Variants in PID1 observed in about 807,000 individuals in gnomAD.
PID1 encodes the protein PTB-containing, cubilin and LRP1-interacting protein.
In PID1, 10 loss-of-function variants were observed where a neutral mutation model predicts 19.1. That is an observed-to-expected ratio of 0.52 (90% confidence interval 0.32 to 0.89). PID1 has a LOEUF of 0.89. Ranked by LOEUF, PID1 falls within the 40% of genes least tolerant of loss-of-function variation. The pLI, the probability that PID1 is intolerant of heterozygous loss-of-function variation, is 0.03. For missense variants in PID1, 248 were observed against 285.3 expected (o/e 0.87, Z 0.94); for synonymous variants, 130 against 116.0 (o/e 1.12, Z -0.78).
chr2:229,055,065 G>A (rs1299217420), intron 2 of PID1, among the ~76,000 whole-genome samples: 4 of 152,124 alleles, frequency 2.6e-5, no homozygotes, highest in Non-Finnish European at 5.9e-5. Flanking sequence ...TGAGGGACAA[G>A]ACATGGTGAC....
chr2:229,243,054 G>T (rs1689915780), intron 1 of PID1, among the ~76,000 whole-genome samples: 1 of 152,094 alleles, frequency 6.6e-6, no homozygotes, highest in Non-Finnish European at 1.5e-5. Context: ...ATGTACAAAA[G>T]AAAGAGGTTT....
chr2:229,230,556 C>A (rs920166573), intron 1 of PID1, among the ~76,000 whole-genome samples: 1 of 152,184 alleles, frequency 6.6e-6, no homozygotes, highest in Admixed American at 6.5e-5. Flanking sequence ...AAGTCATCTG[C>A]TTTGTCAGCT....
chr2:229,101,615 C>T (rs905288386), intron 2 of PID1, among the ~76,000 whole-genome samples: 4 of 152,218 alleles, frequency 2.6e-5, no homozygotes, highest in African/African-American at 7.2e-5. Flanking sequence ...GTCCTATTAT[C>T]ACACCCATTT....
chr2:229,094,504 A>G (rs1176915187), intron 2 of PID1, among the ~76,000 whole-genome samples: 1 of 152,186 alleles, frequency 6.6e-6, no homozygotes, highest in Non-Finnish European at 1.5e-5. Context: ...CAAAAAGAAC[A>G]AATCTAGGGG....
At chr2:229,090,072 C>T (rs750543271) in intron 2 of PID1, among the ~76,000 whole-genome samples, 1 of 152,124 alleles carries the variant, frequency 6.6e-6, no homozygotes, top group Non-Finnish European at 1.5e-5. Context: ...CTGTAATTAC[C>T]GTGCAAAGCT....
chr2:229,153,923 T>C (rs1690311720), intron 2 of PID1, among the ~76,000 whole-genome samples: 2 of 152,208 alleles, frequency 1.3e-5, no homozygotes, highest in South Asian at 4.1e-4. Flanking sequence ...TCTTTCCTCA[T>C]AGGAACAGAA....
At chr2:229,152,990 G>A (rs1453439597) in intron 2 of PID1, among the ~76,000 whole-genome samples, 6 of 152,184 alleles carry the variant, frequency 3.9e-5, no homozygotes, top group Admixed American at 2.0e-4. Context: ...CATTATTCCT[G>A]GGAGGCGTGA....
intron 2 of PID1, among the ~76,000 whole-genome samples, chr2:229,043,790 A>C (rs540472042): frequency 1.8e-4 from 28 of 152,332 alleles, no homozygotes; most frequent in African/African-American, 6.0e-4. Flanking sequence ...AGAAGGAGAG[A>C]GCCATGCCTG....
intron 2 of PID1, among the ~76,000 whole-genome samples, chr2:229,104,238 G>T (rs1695130521): frequency 6.6e-6 from 1 of 152,106 alleles, no homozygotes. Context: ...CACCTAAATT[G>T]CCCTTGAACC....
Position 229,219,920 on chromosome 2 carries a change from G to C in PID1, c.30+51094C>G, listed in dbSNP as rs187043995. 4.3e-4 allele frequency among the ~76,000 whole-genome samples: 66 copies of C among 152,134 alleles called. 1 individual carries two copies. Among genetic ancestry groups the C allele is most frequent in the Non-Finnish European group, 8.4e-4 (57 of 67,994 alleles). ...TAAGGTCATATGCTAGTAAATGGTT[G>C]AAGAGGGACTAAGAATAAAAATGTG... On this transcript the variant is annotated intron_variant, in intron 1 of 2. Transcript: ENST00000392055.
At chr2:229,139,038 A>AGC (rs1559251384) in intron 2 of PID1, among the ~76,000 whole-genome samples, 1 of 56,994 alleles carries the variant, frequency 1.8e-5, no homozygotes, top group African/African-American at 6.3e-5. Context: ...AAAGAAAGAA[A>AGC]GAGAAAGAAA....
In PID1 at chr2:229,126,860, T is replaced by C. The variant is rs542593813; in HGVS notation, c.177+28958A>G. On this transcript the variant is annotated intron_variant, in intron 2 of 2. Transcript: ENST00000392055. ...AACTTCTTTCACACTTACCTCAACA[T>C]TTTAGTGGCTTAACACAATCTAAGT... 6.6e-5 allele frequency among the ~76,000 whole-genome samples: 10 copies of C among 152,334 alleles called. No homozygotes were observed. The South Asian group carries it at 2.1e-3, about 32-fold the overall frequency.
At chr2:229,218,044 C>G (rs962669890) in intron 1 of PID1, among the ~76,000 whole-genome samples, 1 of 152,108 alleles carries the variant, frequency 6.6e-6, no homozygotes. Context: ...CTGTGCAGCC[C>G]AAAATCTTTA....
chr2:229,038,184 G>A (rs1400889529), intron 2 of PID1, among the ~76,000 whole-genome samples: 1 of 152,132 alleles, frequency 6.6e-6, no homozygotes, highest in East Asian at 1.9e-4. Flanking sequence ...ATTAGACCTG[G>A]AATTGTTATA....
intron 2 of PID1, among the ~76,000 whole-genome samples, chr2:229,052,124 T>C (rs1283591606): frequency 1.3e-5 from 2 of 152,266 alleles, no homozygotes; most frequent in East Asian, 1.9e-4. Context: ...TTTCCAAATT[T>C]TACTAAAGTG....
At chr2:229,197,961 A>G (rs1041587221) in intron 1 of PID1, among the ~76,000 whole-genome samples, 2 of 152,068 alleles carry the variant, frequency 1.3e-5, no homozygotes, top group Non-Finnish European at 2.9e-5. Context: ...CTCAAAACCT[A>G]AAGTTTTAAA....
chr2:229,216,990 T>C (rs1691862399), intron 1 of PID1, among the ~76,000 whole-genome samples: 1 of 152,240 alleles, frequency 6.6e-6, no homozygotes, highest in Admixed American at 6.5e-5. Flanking sequence ...CAGTGAAATG[T>C]ACACATCTCA....
intron 1 of PID1, among the ~76,000 whole-genome samples, chr2:229,218,053 T>C (rs977544831): frequency 6.6e-6 from 1 of 152,214 alleles, no homozygotes. Flanking sequence ...CCAAAATCTT[T>C]ATACATATCT....
At chr2:229,167,196 A>G (rs1690616789) in intron 1 of PID1, among the ~76,000 whole-genome samples, 1 of 152,158 alleles carries the variant, frequency 6.6e-6, no homozygotes. Flanking sequence ...TTCAGGCATG[A>G]ATCATTGTTT....
Sources: gnomAD v4.1 joint callset for allele counts (sites outside exome capture counted in the v4.1 genomes callset) on GRCh38, gnomAD v4.1.1 for gene constraint, MANE v1.5 for transcripts, NCBI Gene and HGNC (gene_info 2026-07-23, HGNC 2026-07-21) for gene names.